ZPR1: variants seen among roughly 807,000 people sequenced by gnomAD.
ZPR1 encodes zinc finger protein ZPR1.
Under a neutral mutation model 59.6 loss-of-function variants are expected in ZPR1, and 37 were observed. The ratio of observed to expected loss-of-function variants is 0.62; its 90% confidence interval spans 0.48 to 0.82. The LOEUF (loss-of-function observed/expected upper bound fraction) is 0.82, where lower values mean the gene tolerates loss of function less well. Ranked by LOEUF, ZPR1 falls within the 40% of genes least tolerant of loss-of-function variation. The pLI is 0.00. For synonymous variants in ZPR1, 191 were observed against 215.2 expected, an observed-to-expected ratio of 0.89 and a Z score of 0.99; for missense variants, 527 against 579.9, an observed-to-expected ratio of 0.91 and a Z score of 0.94.
chr11:116,779,575 C>G (rs915089679), intron 13 of ZPR1, among the ~76,000 whole-genome samples, 197 bp downstream of exon 13: 2 of 150,714 alleles, frequency 1.3e-5, no homozygotes, highest in African/African-American at 4.9e-5. Context: ...TTTTTTTTTC[C>G]TTCTTTACAT....
intron 9 of ZPR1, 25 bp downstream of exon 9, chr11:116,784,353 T>C: frequency 6.2e-7 from 1 of 1,612,990 alleles, no homozygotes; most frequent in African/African-American, 1.3e-5. Flanking sequence ...GCTAGTCTTC[T>C]TCCCAAATAA....
rs889421200 is a variant in ZPR1 at position 116,788,019 on chromosome 11, T to G, written c.-29A>C. ...CACCACGCGCAATTCAGACCTCGGC[T>G]TCCTACTTCCGCCGCTCTCGCGGCC... is the stretch of plus-strand genomic sequence containing the variant. On this transcript the variant is annotated 5_prime_UTR_variant, in exon 1 of 14. Coordinates refer to ENST00000227322, the MANE Select transcript of ZPR1 (RefSeq NM_003904.5). 5.0e-6 allele frequency: 7 copies of G among 1,410,332 alleles called. No homozygotes were observed. In the African/African-American group the frequency reaches 9.0e-5, roughly 18 times the overall value. 87.4% of individuals were successfully genotyped at this position (1,410,332 alleles called of 1,614,324 possible).
chr11:116,785,140 C>T lies in ZPR1; in HGVS notation c.712G>A (p.Ala238Thr). ...TCCTCTTCTGGCTTCTCTGCTGGTG[C>T]TTCTTCCTAAAATAGCAAAGATGCA... ...QEEMLGLQEE[A>T]PAEKPEEEDL... Residue 238 changes from alanine to threonine, a missense_variant, in exon 7 of 14, where the codon GCA (alanine) becomes ACA (threonine). Transcript: ENST00000227322. The T allele has an allele frequency of 1.2e-6, 2 of 1,614,074 alleles. No individual in the cohort carries two copies. Among genetic ancestry groups the T allele is most frequent in the Non-Finnish European group, 1.7e-6 (2 of 1,180,048 alleles).
Position 116,779,101 on chromosome 11 carries a change from C to T in ZPR1, c.1246-42G>A, listed in dbSNP as rs187347960. The T allele has an allele frequency of 6.6e-4, 1,059 of 1,606,710 alleles. 1 individual carries two copies. Among genetic ancestry groups the T allele is most frequent in the Non-Finnish European group, 7.5e-4 (876 of 1,175,796 alleles). ...AGACAATCAGTGCCGCTGTGCCACT[C>T]CCCCTCTCTGCAGGCAGCTTCCAAT... On this transcript the variant is annotated intron_variant, in intron 13 of 13. Transcript: ENST00000227322.
Position 116,775,692 on chromosome 11 carries a change from T to C in ZPR1, c.*3233A>G. The stretch of plus-strand genomic sequence containing the variant: ...TGCTTCCTTCTGGAAGTAACCTCTC[T>C]GAGGCTGTTTTGTCACCTGTAAAAT... On this transcript the variant is annotated 3_prime_UTR_variant, in exon 14 of 14. Coordinates refer to ENST00000227322, the MANE Select transcript of ZPR1 (RefSeq NM_003904.5). 1.3e-5 allele frequency: 2 copies of C among 159,222 alleles called. No homozygotes were observed. 9.9% of individuals were successfully genotyped at this position (159,222 alleles called of 1,614,324 possible).
At position 116,774,590 on chromosome 11, in the gene ZPR1, CTT is replaced by C. The variant is rs1940697453; in HGVS notation, c.*4333_*4334del. 1 of 152,128 alleles carries C rather than the reference CTT, an allele frequency of 6.6e-6. No homozygotes were observed. Among genetic ancestry groups the C allele is most frequent in the Non-Finnish European group, 1.5e-5 (1 of 68,032 alleles). 9.4% of individuals were successfully genotyped at this position (152,128 alleles called of 1,614,324 possible). ...ATACAAAACAGGCTTGGGGATCAGT[CTT>C]GAAGCATGAATTTTTACCCAGTGGG... On this transcript the variant is annotated 3_prime_UTR_variant, in exon 14 of 14. Transcript: ENST00000227322.
At chr11:116,785,199 CA>C in intron 6 of ZPR1, 53 bp from the exon 7 acceptor site, 1 of 1,595,590 alleles carries the variant, frequency 6.3e-7, no homozygotes, top group Non-Finnish European at 8.6e-7. Flanking sequence ...TCAGTGTCCC[CA>C]ACACCCTGCC....
In ZPR1 at chr11:116,783,022, G is replaced by C; in HGVS notation, c.989C>G (p.Thr330Ser). Residue 330 changes from threonine to serine, a missense_variant, in exon 11 of 14, where the codon ACT becomes AGT. Physicochemically the swap from Thr to Ser is moderately conservative, Grantham distance 58. Coordinates refer to ENST00000227322, the MANE Select transcript of ZPR1 (RefSeq NM_003904.5). ...DMTRDLLKSE[T>S]CSVEIPELEF... The stretch of plus-strand genomic sequence containing the variant: ...TAGCTCTGGGATTTCCACACTGCAA[G>C]TCTCAGACTGTGAAATGAGAGGTCA... 6.2e-7 allele frequency: 1 copy of C among 1,613,564 alleles called. No individual in the cohort carries two copies. The highest frequency in any genetic ancestry group is 8.5e-7 in the Non-Finnish European group (1 of 1,179,468).
At chr11:116,783,337 G>GC (rs1940837968) in intron 10 of ZPR1, among the ~76,000 whole-genome samples, 193 bp downstream of exon 10, 1 of 152,196 alleles carries the variant, frequency 6.6e-6, no homozygotes, top group African/African-American at 2.4e-5. Context: ...ATCAGAAAGA[G>GC]CTAACAGGGT....
Position 116,778,820 on chromosome 11 carries a change from C to T in ZPR1, c.*105G>A, listed in dbSNP as rs1309407478. The T allele has an allele frequency of 4.2e-6, 6 of 1,417,540 alleles. No individual in the cohort carries two copies. The highest frequency in any genetic ancestry group is 2.3e-5 in the East Asian group (1 of 42,784). 87.8% of individuals were successfully genotyped at this position (1,417,540 alleles called of 1,614,324 possible). ...GACCAGATGTCCTCCCCACCATGGG[C>T]AAGGGCTGGTGGGAAAGACACTCCC... On this transcript the variant is annotated 3_prime_UTR_variant, in exon 14 of 14. Coordinates refer to ENST00000227322, the MANE Select transcript of ZPR1 (RefSeq NM_003904.5).
In ZPR1 at chr11:116,774,196, C is replaced by G. The variant is rs1176128669; in HGVS notation, c.*4729G>C. ...ACCAAAATCAAATTAAGTAAAACAT[C>G]CTTCACTAATTTATGTAGTAGTTCG... is the stretch of plus-strand genomic sequence containing the variant. On this transcript the variant is annotated 3_prime_UTR_variant, in exon 14 of 14. Transcript: ENST00000227322. 6.6e-6 allele frequency: 1 copy of G among 152,042 alleles called. No individual in the cohort carries two copies. Among genetic ancestry groups the G allele is most frequent in the African/African-American group, 2.4e-5 (1 of 41,388 alleles). The allele number at this position is 152,042 out of a possible 1,614,324, so 9.4% of individuals were successfully genotyped here.
chr11:116,787,006 C>T lies in ZPR1; in HGVS notation c.387G>A (p.Glu129=), dbSNP rs1172393599. 5 of 1,614,102 alleles carry T rather than the reference C, an allele frequency of 3.1e-6. No individual in the cohort carries two copies. In the African/African-American group the frequency reaches 5.3e-5, roughly 17 times the overall value. Residue 129 remains glutamate (E), a synonymous_variant, in exon 3 of 14, where the codon GAG becomes GAA. Coordinates refer to ENST00000227322, the MANE Select transcript of ZPR1 (RefSeq NM_003904.5). ...KTDSAATRIP[E]LDFEIPAFSQ... ...TAAAGGCAGGAATTTCAAAATCTAG[C>T]TCAGGAATCCTTGTGGCAGCAGAGT...
chr11:116,782,091 G>T, intron 12 of ZPR1, 67 bp downstream of exon 12: 1 of 1,200,774 alleles, frequency 8.3e-7, no homozygotes, highest in Non-Finnish European at 1.2e-6. Flanking sequence ...GGCAAGACAT[G>T]AGCATGCAGC....
At chr11:116,784,610 C>A in intron 8 of ZPR1, 162 bp from the exon 9 acceptor site, 1 of 831,000 alleles carries the variant, frequency 1.2e-6, no homozygotes, top group South Asian at 1.4e-5. Context: ...AAGTTCCCAA[C>A]CCATGGCAAT....
At chr11:116,783,674 C>T (rs1254431597) in intron 9 of ZPR1, 55 bp from the exon 10 acceptor site, 1 of 1,426,062 alleles carries the variant, frequency 7.0e-7, no homozygotes, top group African/African-American at 1.4e-5. Context: ...TCACTTGGTA[C>T]CCAGGAGACC....
In ZPR1 at chr11:116,777,675, A is replaced by C. The variant is rs1253183967; in HGVS notation, c.*1250T>G. On this transcript the variant is annotated 3_prime_UTR_variant, in exon 14 of 14. Transcript: ENST00000227322. ...ACTCTGTCTCTACCAAAAAAAAAAA[A>C]AAAAAAAGTTTGCAACACAAAGCAA... 6.6e-6 allele frequency: 1 copy of C among 152,240 alleles called. No individual in the cohort carries two copies. The highest frequency in any genetic ancestry group is 1.5e-5 in the Non-Finnish European group (1 of 68,082). The allele number at this position is 152,240 out of a possible 1,614,324, so 9.4% of individuals were successfully genotyped here. A position where few individuals can be genotyped will look rare whatever the true frequency, so the allele number is the denominator to read the frequency against.
chr11:116,784,844 G>T lies in ZPR1; in HGVS notation c.820+11C>A, dbSNP rs1175687129. 6.2e-7 allele frequency: 1 copy of T among 1,613,998 alleles called. No homozygotes were observed. Among genetic ancestry groups the T allele is most frequent in the Admixed American group, 1.7e-5 (1 of 59,994 alleles). ...AGATGAAGAGCAACCCAACTGCTTG[G>T]CAAAAGATACGTACTAGCTTCATGT... On this transcript the variant is annotated intron_variant, in intron 8 of 13. Transcript: ENST00000227322.
chr11:116,784,646 G>T, intron 8 of ZPR1, 198 bp from the exon 9 acceptor site: 1 of 814,614 alleles, frequency 1.2e-6, no homozygotes, highest in Non-Finnish European at 2.1e-6. Flanking sequence ...TGAAGGCATG[G>T]CTCAGGTCAC....
chr11:116,784,169 T>A (rs554725702), intron 9 of ZPR1, among the ~76,000 whole-genome samples: 2 of 152,126 alleles, frequency 1.3e-5, no homozygotes, highest in Non-Finnish European at 2.9e-5. Flanking sequence ...CTTTAATATG[T>A]CTTAAACAAG....
Sources: allele counts gnomAD v4.1 joint callset (sites outside exome capture counted in the v4.1 genomes callset), GRCh38; gene constraint gnomAD v4.1.1; transcripts MANE v1.5; gene names NCBI Gene and HGNC (gene_info 2026-07-23, HGNC 2026-07-21).